Variants in SPTBN1 observed in about 807,000 individuals in gnomAD.
SPTBN1 encodes the protein spectrin beta chain, non-erythrocytic 1.
In SPTBN1, 32 loss-of-function variants were observed where a neutral mutation model predicts 266.4. The observed-to-expected ratio is 0.12, with a 90% confidence interval of 0.09 to 0.16. SPTBN1 has a LOEUF of 0.16. SPTBN1 is among the 10% of genes least tolerant of loss of function. The probability of loss-of-function intolerance (pLI) is 1.00; values close to 1 mark genes in which losing one functional copy is unlikely to be tolerated. For synonymous variants in SPTBN1, 1,336 were observed against 1,162.2 expected (o/e 1.15, Z -3.04); for missense variants, 2,296 against 3,067.1 (o/e 0.75, Z 5.94).
chr2:54,537,291 G>A (rs546566804), intron 2 of SPTBN1, among the ~76,000 whole-genome samples: 46 of 152,154 alleles, frequency 3.0e-4, no homozygotes, highest in Non-Finnish European at 6.2e-4. Flanking sequence ...CTAAATGACT[G>A]AATATCCTTG....
intron 1 of SPTBN1, among the ~76,000 whole-genome samples, chr2:54,466,643 A>C (rs1214992392): frequency 1.3e-5 from 2 of 149,886 alleles, no homozygotes; most frequent in Non-Finnish European, 3.0e-5. Flanking sequence ...GAGCCTATTA[A>C]CATTGGTTAT....
At chr2:54,462,627 G>A (rs1161821377) in intron 1 of SPTBN1, among the ~76,000 whole-genome samples, 1 of 152,202 alleles carries the variant, frequency 6.6e-6, no homozygotes, top group African/African-American at 2.4e-5. Flanking sequence ...AGTTGAATAA[G>A]AATTAGTTCC....
At chr2:54,613,620 G>A (rs564905582) in intron 4 of SPTBN1, among the ~76,000 whole-genome samples, 1 of 152,318 alleles carries the variant, frequency 6.6e-6, no homozygotes, top group South Asian at 2.1e-4. Context: ...AGCCCTAGTA[G>A]TTCTGATTAA....
intron 5 of SPTBN1, among the ~76,000 whole-genome samples, chr2:54,616,804 A>C (rs1255751638): frequency 6.6e-6 from 1 of 152,220 alleles, no homozygotes; most frequent in Non-Finnish European, 1.5e-5. Context: ...ACTGATGCTA[A>C]GCCTTCGAGT....
chr2:54,535,982 T>C (rs2104376951), intron 2 of SPTBN1, among the ~76,000 whole-genome samples: 1 of 152,364 alleles, frequency 6.6e-6, no homozygotes, highest in African/African-American at 2.4e-5. Flanking sequence ...ATTGCGCCAT[T>C]GCACTCCAGC....
chr2:54,543,592 GTT>G (rs754471763), intron 2 of SPTBN1, among the ~76,000 whole-genome samples: 2 of 148,022 alleles, frequency 1.4e-5, no homozygotes, highest in African/African-American at 5.0e-5. Context: ...AAAAATACTT[GTT>G]TTTTTTTTAA....
intron 2 of SPTBN1, among the ~76,000 whole-genome samples, chr2:54,584,984 T>A (rs1675192056): frequency 6.6e-6 from 1 of 152,196 alleles, no homozygotes; most frequent in African/African-American, 2.4e-5. Context: ...ATGGATGTTA[T>A]AAAGATCTGT....
In SPTBN1 at chr2:54,659,916, T is replaced by C; in HGVS notation, c.6357-20T>C. ...CCTCTTCTTCCTTTCCCTTCCTCCT[T>C]TTCCCCTCTTCCCTAACAGGGATAC... On this transcript the variant is annotated intron_variant, in intron 31 of 35. Coordinates refer to ENST00000356805, the MANE Select transcript of SPTBN1 (RefSeq NM_003128.3). 4 of 1,611,472 alleles carry C rather than the reference T, an allele frequency of 2.5e-6. No individual in the cohort carries two copies. The highest frequency in any genetic ancestry group is 3.4e-6 in the Non-Finnish European group (4 of 1,178,076).
intron 1 of SPTBN1, among the ~76,000 whole-genome samples, chr2:54,519,216 C>T (rs1670283530): frequency 6.6e-6 from 1 of 152,180 alleles, no homozygotes; most frequent in South Asian, 2.1e-4. Flanking sequence ...TTAGCAAGCA[C>T]TTAATGTTAC....
intron 1 of SPTBN1, among the ~76,000 whole-genome samples, chr2:54,491,790 G>T (rs553067417): frequency 1.3e-5 from 2 of 152,036 alleles, no homozygotes; most frequent in Non-Finnish European, 2.9e-5. Flanking sequence ...TGGTAGAGAC[G>T]AGGTCTCGCC....
At chr2:54,516,228 A>G (rs1000885337) in intron 1 of SPTBN1, 4 of 152,204 alleles carry the variant, frequency 2.6e-5, no homozygotes, top group African/African-American at 9.7e-5. Flanking sequence ...TGCCACCACC[A>G]GCAAAACTTT....
chr2:54,614,601 G>A (rs1210275419), intron 4 of SPTBN1, among the ~76,000 whole-genome samples: 4 of 151,992 alleles, frequency 2.6e-5, no homozygotes, highest in African/African-American at 4.8e-5. Flanking sequence ...TCAGGAGTTC[G>A]GGACCAACCT....
Position 54,667,564 on chromosome 2 carries a change from G to A in SPTBN1, c.6834-40G>A, listed in dbSNP as rs200440093. On this transcript the variant is annotated intron_variant, in intron 34 of 35. Transcript: ENST00000356805. The stretch of plus-strand genomic sequence containing the variant: ...GGAGTTGGGGGATTTTTATTTCTCT[G>A]TAATTAAGTGGTGACTAACTTTCTT... The A allele has an allele frequency of 1.3e-5, 21 of 1,599,454 alleles. No individual in the cohort carries two copies. In the East Asian group the frequency reaches 4.2e-4, roughly 32 times the overall value.
At chr2:54,635,616 C>T (rs1173030647) in intron 17 of SPTBN1, among the ~76,000 whole-genome samples, 3 of 152,176 alleles carry the variant, frequency 2.0e-5, no homozygotes, top group Non-Finnish European at 4.4e-5. Context: ...AAGTTACTTT[C>T]ATTTCTGTTA....
At position 54,670,475 on chromosome 2, in the gene SPTBN1, C is replaced by T. The variant is rs1218068739; in HGVS notation, c.*1906C>T. On this transcript the variant is annotated 3_prime_UTR_variant, in exon 36 of 36. Coordinates refer to ENST00000356805, the MANE Select transcript of SPTBN1 (RefSeq NM_003128.3). Reference sequence around the variant, plus strand: ...CAAAGCTTTCTCTTAACTCTCTTACCTCTAGGCAAACTGAGACCTCACCAT... The same window carrying T: ...CAAAGCTTTCTCTTAACTCTCTTACTTCTAGGCAAACTGAGACCTCACCAT... 7.8e-6 allele frequency: 3 copies of T among 386,764 alleles called. No individual in the cohort carries two copies. The highest frequency in any genetic ancestry group is 4.5e-5 in the Admixed American group (1 of 22,348). The allele number at this position is 386,764 out of a possible 1,614,324, so 24.0% of individuals were successfully genotyped here.
chr2:54,555,698 CG>C (rs1672826680), intron 2 of SPTBN1, among the ~76,000 whole-genome samples: 1 of 152,160 alleles, frequency 6.6e-6, no homozygotes, highest in African/African-American at 2.4e-5. Flanking sequence ...ACTTGCTTTT[CG>C]GGGCTTTCCT....
At chr2:54,496,830 G>C (rs1668995375) in intron 1 of SPTBN1, among the ~76,000 whole-genome samples, 1 of 152,132 alleles carries the variant, frequency 6.6e-6, no homozygotes, top group African/African-American at 2.4e-5. Context: ...TAGAGCAGTT[G>C]GTTTCCTTCT....
chr2:54,486,301 C>T (rs4671941), intron 1 of SPTBN1, among the ~76,000 whole-genome samples: 91,076 of 151,270 alleles, frequency 0.6, 28,854 homozygotes, highest in African/African-American at 0.81. Flanking sequence ...GGGGAAAAGA[C>T]TGAGAAATCG....
intron 1 of SPTBN1, among the ~76,000 whole-genome samples, chr2:54,483,437 C>T (rs570748019): frequency 2.0e-5 from 3 of 152,292 alleles, no homozygotes; most frequent in East Asian, 1.9e-4. Flanking sequence ...ATTTTCTACC[C>T]GTTGCTTCCC....
Sources: gnomAD v4.1 joint callset for allele counts (sites outside exome capture counted in the v4.1 genomes callset) on GRCh38, gnomAD v4.1.1 for gene constraint, MANE v1.5 for transcripts, NCBI Gene and HGNC (gene_info 2026-07-23, HGNC 2026-07-21) for gene names.